The following DOCK1 variants were observed in gnomAD, a reference collection of about 807,000 sequenced individuals.
The protein encoded by DOCK1 is dedicator of cytokinesis 1, also known as dedicator of cytokinesis protein 1.
DOCK1 carries 138 observed loss-of-function variants against 262.7 expected under a neutral mutation model. The ratio of observed to expected loss-of-function variants is 0.53; its 90% confidence interval spans 0.46 to 0.61. The LOEUF (loss-of-function observed/expected upper bound fraction) is 0.61. Ranked by LOEUF, DOCK1 falls within the 20% of genes least tolerant of loss-of-function variation. The pLI is 0.00. For synonymous variants in DOCK1, 866 were observed against 867.4 expected (o/e 1.00, Z 0.03); for missense variants, 1,908 against 2,370.7 (o/e 0.80, Z 4.05).
chr10:127,148,483 A>G (rs574118347), intron 27 of DOCK1, among the ~76,000 whole-genome samples: 1 of 152,346 alleles, frequency 6.6e-6, no homozygotes, highest in South Asian at 2.1e-4. Flanking sequence ...TATTTTCATG[A>G]AAATGTACAC....
chr10:127,167,979 T>C (rs1458086761), intron 27 of DOCK1, among the ~76,000 whole-genome samples: 1 of 152,184 alleles, frequency 6.6e-6, no homozygotes, highest in Non-Finnish European at 1.5e-5. Context: ...AGTGCAAACA[T>C]AGCCTGAGGA....
intron 16 of DOCK1, among the ~76,000 whole-genome samples, chr10:127,030,184 C>T (rs1211588675): frequency 6.6e-6 from 1 of 152,128 alleles, no homozygotes; most frequent in African/African-American, 2.4e-5. Context: ...TGTCATTCTC[C>T]CTCTCTGATC....
intron 29 of DOCK1, among the ~76,000 whole-genome samples, chr10:127,297,337 A>T (rs573562873): frequency 6.6e-6 from 1 of 152,274 alleles, no homozygotes; most frequent in African/African-American, 2.4e-5. Flanking sequence ...ATCTGCAGGA[A>T]TGGATTATAC....
chr10:127,085,346 T>C (rs760910381), intron 23 of DOCK1, among the ~76,000 whole-genome samples: 3 of 152,186 alleles, frequency 2.0e-5, no homozygotes, highest in Admixed American at 6.5e-5. Flanking sequence ...GGCAGTAATA[T>C]ACAGCTGACC....
intron 23 of DOCK1, among the ~76,000 whole-genome samples, chr10:127,095,916 G>A (rs1287161084): frequency 6.6e-6 from 1 of 152,142 alleles, no homozygotes; most frequent in African/African-American, 2.4e-5. Context: ...ACAGAAACAC[G>A]CAGATACTTG....
intron 25 of DOCK1, among the ~76,000 whole-genome samples, chr10:127,111,928 T>C (rs2048891165): frequency 6.6e-6 from 1 of 152,240 alleles, no homozygotes; most frequent in Non-Finnish European, 1.5e-5. Flanking sequence ...TTTACATATA[T>C]TTTTAAATTT....
At chr10:127,300,916 G>C (rs2061657675) in intron 29 of DOCK1, among the ~76,000 whole-genome samples, 1 of 152,186 alleles carries the variant, frequency 6.6e-6, no homozygotes. Flanking sequence ...CCACCACGAG[G>C]CCGGCAGCCG....
At chr10:127,033,353 A>G (rs1318656564) in intron 18 of DOCK1, among the ~76,000 whole-genome samples, 2 of 152,120 alleles carry the variant, frequency 1.3e-5, no homozygotes, top group Non-Finnish European at 2.9e-5. Context: ...CGATGCTTTG[A>G]GTGCCTGCAC....
rs71032536 is a variant in DOCK1 at position 127,075,169 on chromosome 10, C to CAAAAA, written c.2445+13419_2445+13423dup. Among the ~76,000 whole-genome samples, 43 of 64,320 alleles carry CAAAAA rather than the reference C, an allele frequency of 6.7e-4. 3 individuals are homozygous for CAAAAA. Among genetic ancestry groups the CAAAAA allele is most frequent in the African/African-American group, 2.3e-3 (32 of 14,218 alleles). 42.2% of individuals were successfully genotyped at this position (64,320 alleles called of 152,430 possible). ...GGGCAACAAGAGCGAAACTCTGTCT[C>CAAAAA]AAAAAAAAAAAAAAAAAAAAAAAAA... On this transcript the variant is annotated intron_variant, in intron 23 of 51. Coordinates refer to ENST00000623213, the MANE Select transcript of DOCK1 (RefSeq NM_001290223.2).
At chr10:127,115,094 T>C (rs1335537846) in intron 25 of DOCK1, among the ~76,000 whole-genome samples, 1 of 152,156 alleles carries the variant, frequency 6.6e-6, no homozygotes, top group African/African-American at 2.4e-5. Context: ...CCCCCAGATA[T>C]TTTGAGGCAA....
intron 16 of DOCK1, among the ~76,000 whole-genome samples, chr10:127,030,999 T>C (rs967612519): frequency 6.6e-6 from 1 of 152,224 alleles, no homozygotes; most frequent in Non-Finnish European, 1.5e-5. Flanking sequence ...GAAACTTGAA[T>C]GAAGCGAGTG....
At chr10:127,252,702 T>C (rs932886475) in intron 28 of DOCK1, among the ~76,000 whole-genome samples, 2 of 150,476 alleles carry the variant, frequency 1.3e-5, no homozygotes, top group East Asian at 2.0e-4. Context: ...GTTGTAGATA[T>C]GTGGTGTTAT....
At chr10:127,204,580 C>G (rs1048466123) in intron 27 of DOCK1, among the ~76,000 whole-genome samples, 3 of 152,092 alleles carry the variant, frequency 2.0e-5, no homozygotes, top group African/African-American at 7.2e-5. Flanking sequence ...AGCCACCGTG[C>G]CTGACCGTTT....
chr10:127,177,752 C>T (rs933023958), intron 27 of DOCK1, among the ~76,000 whole-genome samples: 4 of 152,262 alleles, frequency 2.6e-5, no homozygotes, highest in Middle Eastern at 3.2e-3. Context: ...CTATGACATG[C>T]GCAGCATGGC....
intron 1 of DOCK1, among the ~76,000 whole-genome samples, chr10:126,915,540 T>A (rs1010327218): frequency 3.9e-5 from 6 of 152,152 alleles, no homozygotes; most frequent in African/African-American, 1.4e-4. Context: ...TGCCTCAGCC[T>A]CCCAAGTAGC....
intron 38 of DOCK1, among the ~76,000 whole-genome samples, chr10:127,389,366 G>T (rs973398102): frequency 6.6e-6 from 1 of 152,190 alleles, no homozygotes; most frequent in South Asian, 2.1e-4. Context: ...AATGACAAAG[G>T]CCACGGCTGA....
intron 27 of DOCK1, among the ~76,000 whole-genome samples, chr10:127,162,014 A>G (rs2053632860): frequency 6.6e-6 from 1 of 152,218 alleles, no homozygotes; most frequent in African/African-American, 2.4e-5. Flanking sequence ...ATGATGGGAC[A>G]GGCAGTGTCT....
At chr10:127,041,115 G>C (rs2043985527) in intron 19 of DOCK1, among the ~76,000 whole-genome samples, 1 of 152,122 alleles carries the variant, frequency 6.6e-6, no homozygotes, top group African/African-American at 2.4e-5. Context: ...TTGAGATGAA[G>C]TTGTGCTCTT....
chr10:127,154,239 C>T (rs1311521535), intron 27 of DOCK1, among the ~76,000 whole-genome samples: 5 of 152,160 alleles, frequency 3.3e-5, no homozygotes, highest in Non-Finnish European at 7.3e-5. Context: ...TTTAAAGAAA[C>T]TTTGAGGAAA....
Sources: allele counts gnomAD v4.1 joint callset (sites outside exome capture counted in the v4.1 genomes callset), GRCh38; gene constraint gnomAD v4.1.1; transcripts MANE v1.5; gene names NCBI Gene and HGNC (gene_info 2026-07-23, HGNC 2026-07-21).